The following PCDHA2 variants were observed in gnomAD, a reference collection of about 807,000 sequenced individuals.
PCDHA2 encodes protocadherin alpha-2.
Under a neutral mutation model 66.0 loss-of-function variants are expected in PCDHA2, and 58 were observed. The observed-to-expected ratio is 0.88, with a 90% confidence interval of 0.71 to 1.09. The LOEUF is 1.09. Among genes scored for constraint, PCDHA2 ranks in the 50% least tolerant of loss-of-function variants. PCDHA2 has a pLI of 0.00. For synonymous variants in PCDHA2, 634 were observed against 554.0 expected, an observed-to-expected ratio of 1.14 and a Z score of -2.03; for missense variants, 1,267 against 1,242.3, an observed-to-expected ratio of 1.02 and a Z score of -0.30.
intron 1 of PCDHA2, among the ~76,000 whole-genome samples, chr5:140,846,605 ACCT>A (rs1246547204): frequency 6.7e-6 from 1 of 148,178 alleles, no homozygotes; most frequent in East Asian, 1.9e-4. Context: ...CGATCTCCTG[ACCT>A]CCTGATCCGC....
At chr5:140,801,494 C>T in intron 1 of PCDHA2, 2 of 1,614,120 alleles carry the variant, frequency 1.2e-6, no homozygotes, top group South Asian at 2.2e-5. Flanking sequence ...GCGGGCGGAG[C>T]GCGGAGTGCA....
intron 3 of PCDHA2, among the ~76,000 whole-genome samples, chr5:140,993,305 G>C (rs1405035028): frequency 6.6e-6 from 1 of 151,998 alleles, no homozygotes; most frequent in African/African-American, 2.4e-5. Flanking sequence ...CTTGCCTCCA[G>C]GATAATACCT....
chr5:140,874,040 T>G (rs1303509988), intron 1 of PCDHA2, among the ~76,000 whole-genome samples: 7 of 152,220 alleles, frequency 4.6e-5, no homozygotes, highest in Admixed American at 4.6e-4. Flanking sequence ...AGAAACTTGG[T>G]GATGATATTA....
At chr5:140,851,863 T>C in intron 1 of PCDHA2, 1 of 976,024 alleles carries the variant, frequency 1.0e-6, no homozygotes, top group Non-Finnish European at 1.2e-6. Flanking sequence ...AGCTCATACA[T>C]AACACAAGGC....
intron 1 of PCDHA2, chr5:140,877,951 G>A (rs1562741853): frequency 7.4e-7 from 1 of 1,344,742 alleles, no homozygotes; most frequent in Non-Finnish European, 9.7e-7. Context: ...ACTATCGAAT[G>A]TCTCATCTTT....
chr5:140,950,515 C>T lies in PCDHA2; in HGVS notation c.2389-28434C>T, dbSNP rs144121614. 1.4e-3 allele frequency among the ~76,000 whole-genome samples: 220 copies of T among 151,996 alleles called. 1 individual carries two copies. The highest frequency in any genetic ancestry group is 4.9e-3 in the African/African-American group (204 of 41,490). On this transcript the variant is annotated intron_variant, in intron 1 of 3. Transcript: ENST00000526136. The stretch of plus-strand genomic sequence containing the variant: ...CATTTAAGTCATTATTCCCTGTGTG[C>T]GATATGATTGTTTTTGTTGCTCTTG...
intron 2 of PCDHA2, 35 bp downstream of exon 2, chr5:140,979,042 C>T (rs782163702): frequency 6.2e-7 from 1 of 1,612,562 alleles, no homozygotes; most frequent in African/African-American, 1.3e-5. Context: ...TCAGAAGTAA[C>T]CTTAACTTGG....
At chr5:140,837,917 G>A (rs1390684989) in intron 1 of PCDHA2, among the ~76,000 whole-genome samples, 2 of 151,626 alleles carry the variant, frequency 1.3e-5, no homozygotes, top group African/African-American at 4.9e-5. Flanking sequence ...GGCTTCAAGC[G>A]ATCCTCCTAC....
At chr5:140,824,449 A>G in intron 1 of PCDHA2, 1 of 452,608 alleles carries the variant, frequency 2.2e-6, no homozygotes, top group South Asian at 3.3e-5. Flanking sequence ...TTATGACTAC[A>G]TGAAAATTTA....
intron 1 of PCDHA2, among the ~76,000 whole-genome samples, chr5:140,963,059 A>G (rs1307714661): frequency 6.6e-6 from 1 of 152,162 alleles, no homozygotes; most frequent in Non-Finnish European, 1.5e-5. Context: ...GGGTTTCTAC[A>G]TTGTGAAGGA....
At chr5:140,809,573 G>T (rs781833658) in intron 1 of PCDHA2, 7 of 1,596,946 alleles carry the variant, frequency 4.4e-6, no homozygotes, top group East Asian at 2.2e-5. Context: ...CTTTGCAAAG[G>T]TTAGTGTATA....
At chr5:140,879,864 T>C (rs2058152773) in intron 1 of PCDHA2, among the ~76,000 whole-genome samples, 1 of 152,226 alleles carries the variant, frequency 6.6e-6, no homozygotes, top group Admixed American at 6.5e-5. Flanking sequence ...CCTTCTCAGC[T>C]TTCATGGTCA....
chr5:140,884,428 G>T, intron 1 of PCDHA2: 1 of 1,613,962 alleles, frequency 6.2e-7, no homozygotes, highest in East Asian at 2.2e-5. Flanking sequence ...TGTATACTGC[G>T]CTGCGGTGCT....
chr5:140,808,479 G>A (rs782290463), intron 1 of PCDHA2: 5 of 1,614,186 alleles, frequency 3.1e-6, no homozygotes, highest in Non-Finnish European at 4.2e-6. Flanking sequence ...CGAGACGGGG[G>A]CTCGCCTTCG....
chr5:140,863,194 T>C (rs537580785), intron 1 of PCDHA2: 17 of 849,862 alleles, frequency 2.0e-5, no homozygotes, highest in African/African-American at 1.9e-4. Flanking sequence ...CGTGGTGGCG[T>C]CGCTGGCGGA....
chr5:140,841,573 G>C, intron 1 of PCDHA2: 1 of 1,614,016 alleles, frequency 6.2e-7, no homozygotes. Flanking sequence ...ATGGCATTTT[G>C]TTTGTGAATT....
At chr5:140,910,911 T>G (rs1326687303) in intron 1 of PCDHA2, among the ~76,000 whole-genome samples, 1 of 152,170 alleles carries the variant, frequency 6.6e-6, no homozygotes, top group African/African-American at 2.4e-5. Context: ...CCTCCAGATT[T>G]TTGCTTATAT....
At chr5:140,822,947 AC>A in intron 1 of PCDHA2, 20 of 1,614,242 alleles carry the variant, frequency 1.2e-5, no homozygotes, top group Non-Finnish European at 1.7e-5. Context: ...CTAATGCCCC[AC>A]GTTCCCTTCA....
chr5:140,834,265 T>G lies in PCDHA2; in HGVS notation c.2388+36913T>G, dbSNP rs2150214692. 46 of 1,021,472 alleles carry G rather than the reference T, an allele frequency of 4.5e-5. No individual in the cohort carries two copies. The South Asian group carries it at 6.6e-4, about 15-fold the overall frequency. The allele number at this position is 1,021,472 out of a possible 1,614,324, so 63.3% of individuals were successfully genotyped here. On this transcript the variant is annotated intron_variant, in intron 1 of 3. Coordinates refer to ENST00000526136, the MANE Select transcript of PCDHA2 (RefSeq NM_018905.3). ...CGCACTGGAAAGACGCTCCACTCTC[T>G]TTCACTCTTTGGATGCACAACAATG...
Sources: allele counts gnomAD v4.1 joint callset (sites outside exome capture counted in the v4.1 genomes callset), GRCh38; gene constraint gnomAD v4.1.1; transcripts MANE v1.5; gene names NCBI Gene and HGNC (gene_info 2026-07-23, HGNC 2026-07-21).